The following PPP1R10 variants were observed in gnomAD, a reference collection of about 807,000 sequenced individuals.
The protein encoded by PPP1R10 is serine/threonine-protein phosphatase 1 regulatory subunit 10.
PPP1R10 carries 15 observed loss-of-function variants against 99.0 expected under a neutral mutation model. That is an observed-to-expected ratio of 0.15 (90% CI 0.10 to 0.23). The LOEUF (loss-of-function observed/expected upper bound fraction) is 0.23, where lower values mean the gene tolerates loss of function less well. Ranked by LOEUF, PPP1R10 falls within the 10% of genes least tolerant of loss-of-function variation. The pLI is 1.00. For synonymous variants in PPP1R10, 430 were observed against 449.5 expected, an observed-to-expected ratio of 0.96 and a Z score of 0.55; for missense variants, 947 against 1,259.4, an observed-to-expected ratio of 0.75 and a Z score of 3.75.
intron 6 of PPP1R10, among the ~76,000 whole-genome samples, chr6:30,607,564 T>C (rs9461618): frequency 6.6e-6 from 1 of 152,202 alleles, no homozygotes; most frequent in African/African-American, 2.4e-5. Context: ...CAGCAAATTT[T>C]AAGTGTATGT....
chr6:30,606,965 A>G lies in PPP1R10; in HGVS notation c.383-109T>C. ...ATTGTGAAAATTTATGTAACGGAGA[A>G]AGTAACCCAAAGTTTTAAGAAGAAC... is the stretch of plus-strand genomic sequence containing the variant. On this transcript the variant is annotated intron_variant, in intron 6 of 19. Coordinates refer to ENST00000376511, the MANE Select transcript of PPP1R10 (RefSeq NM_002714.4). This position sits in a 1 kb window ranked among gnomAD's most constrained non-coding sequence, Gnocchi z 6.3. The G allele has an allele frequency of 1.0e-6, 1 of 960,058 alleles. No homozygotes were observed. The highest frequency in any genetic ancestry group is 1.5e-5 in the South Asian group (1 of 66,746). The allele number at this position is 960,058 out of a possible 1,614,324, so 59.5% of individuals were successfully genotyped here. A position where few individuals can be genotyped will look rare whatever the true frequency, so the allele number is the denominator to read the frequency against.
intron 6 of PPP1R10, among the ~76,000 whole-genome samples, chr6:30,607,137 A>G (rs558226981): frequency 1.3e-5 from 2 of 152,320 alleles, no homozygotes; most frequent in East Asian, 1.9e-4. Context: ...TAAAATCTAC[A>G]TTAGTAAAAG....
At position 30,602,486 on chromosome 6, in the gene PPP1R10, TGGA is replaced by T. The variant is rs747432159; in HGVS notation, c.2160_2162del (p.Pro721del). On this transcript the variant is annotated inframe_deletion, in exon 19 of 20. Coordinates refer to ENST00000376511, the MANE Select transcript of PPP1R10 (RefSeq NM_002714.4). The surrounding 1 kb of genome is among the most constrained non-coding windows in gnomAD (Gnocchi z 6.7). ...AGCGACCTCCTCTGGCGCCTCGGAA[TGGA>T]GGAGGAGGAGGAGGAGGTTCGTTTC... 2.4e-4 allele frequency: 381 copies of T among 1,571,590 alleles called. No homozygotes were observed. Among genetic ancestry groups the T allele is most frequent in the Admixed American group, 7.6e-4 (43 of 56,642 alleles).
Position 30,604,345 on chromosome 6 carries a change from C to T in PPP1R10, c.1261+8G>A, listed in dbSNP as rs1803694152. Reference sequence around the variant, plus strand: ...AACACACCTATTACGTAGGAAATGACCTCTTACCTCGTTCAGTTTCATCCA... The same window carrying T: ...AACACACCTATTACGTAGGAAATGATCTCTTACCTCGTTCAGTTTCATCCA... On this transcript the variant is annotated splice_region_variant and intron_variant, in intron 13 of 19. Coordinates refer to ENST00000376511, the MANE Select transcript of PPP1R10 (RefSeq NM_002714.4). The surrounding 1 kb of genome is among the most constrained non-coding windows in gnomAD (Gnocchi z 7.3). 2 of 1,614,046 alleles carry T rather than the reference C, an allele frequency of 1.2e-6. No homozygotes were observed. The highest frequency in any genetic ancestry group is 1.1e-5 in the South Asian group (1 of 91,088).
chr6:30,607,337 ATTTTC>A (rs1804055009), intron 6 of PPP1R10, among the ~76,000 whole-genome samples: 1 of 152,212 alleles, frequency 6.6e-6, no homozygotes, highest in East Asian at 1.9e-4. Context: ...AAGACTTTTT[ATTTTC>A]CTTTATAGAT....
intron 2 of PPP1R10, 60 bp from the exon 3 acceptor site, chr6:30,610,015 G>T: frequency 9.6e-7 from 1 of 1,040,568 alleles, no homozygotes; most frequent in Non-Finnish European, 1.5e-6. Context: ...AGGACTACCC[G>T]AGTAGGCCCT....
At position 30,601,676 on chromosome 6, in the gene PPP1R10, A is replaced by G. The variant is rs1444591486; in HGVS notation, c.2714-18T>C. 1.2e-6 allele frequency: 2 copies of G among 1,608,248 alleles called. No homozygotes were observed. The highest frequency in any genetic ancestry group is 1.3e-5 in the African/African-American group (1 of 74,894). ...TGACATGTCTGTGGGAACGATGGCA[A>G]AACAGTTAGACAGGAAATAGCTGAG... is the stretch of plus-strand genomic sequence containing the variant. On this transcript the variant is annotated intron_variant, in intron 19 of 19. Coordinates refer to ENST00000376511, the MANE Select transcript of PPP1R10 (RefSeq NM_002714.4).
Position 30,608,857 on chromosome 6 carries a change from T to C in PPP1R10, c.252A>G (p.Thr84=). 1.2e-6 allele frequency: 2 copies of C among 1,614,136 alleles called. No individual in the cohort carries two copies. The highest frequency in any genetic ancestry group is 8.5e-7 in the Non-Finnish European group (1 of 1,180,000). ...GCTGGAGGAGGGGAATGTTGTTGGT[T>C]GTCTTTGAATACGTCAGCCAATTGT... is the stretch of plus-strand genomic sequence containing the variant. The part of the protein sequence containing the change: ...LLNNWLTYSK[T]TNNIPLLQQI... The change falls in exon 5 of 20, where the codon ACA becomes ACG. Residue 84 remains threonine (T), a synonymous_variant. Transcript: ENST00000376511.
At chr6:30,605,150 C>A in intron 10 of PPP1R10, 56 bp from the exon 11 acceptor site, 3 of 1,480,132 alleles carry the variant, frequency 2.0e-6, no homozygotes, top group East Asian at 2.3e-5. Context: ...TAATCCTACA[C>A]CTGCAAACAC....
intron 2 of PPP1R10, among the ~76,000 whole-genome samples, chr6:30,613,565 T>A (rs1051464306): frequency 7.2e-6 from 1 of 139,256 alleles, no homozygotes; most frequent in East Asian, 2.0e-4. Context: ...GCAAACCTGA[T>A]ACATGAGCTC....
rs1406575452 is a variant in PPP1R10, at chr6:30,607,908, C to T, written c.331-17G>A. ...TGTGTTGTTCTATGAGAGATGGGAGCAGCAGAAAGGTAAATGCCAGGAGGC... is the reference window on the plus strand; with the variant it reads ...TGTGTTGTTCTATGAGAGATGGGAGTAGCAGAAAGGTAAATGCCAGGAGGC... On this transcript the variant is annotated splice_polypyrimidine_tract_variant and intron_variant, in intron 5 of 19. Coordinates refer to ENST00000376511, the MANE Select transcript of PPP1R10 (RefSeq NM_002714.4). 6.2e-7 allele frequency: 1 copy of T among 1,612,184 alleles called. No individual in the cohort carries two copies. The highest frequency in any genetic ancestry group is 8.5e-7 in the Non-Finnish European group (1 of 1,179,666).
chr6:30,615,732 C>T (rs1373544070), intron 2 of PPP1R10, among the ~76,000 whole-genome samples: 2 of 152,138 alleles, frequency 1.3e-5, no homozygotes, highest in Admixed American at 1.3e-4. Flanking sequence ...GTTAATCACT[C>T]TTTTGCTTTT....
chr6:30,604,959 C>T lies in PPP1R10; in HGVS notation c.954+35G>A, dbSNP rs1272331579. 6.3e-7 allele frequency: 1 copy of T among 1,598,122 alleles called. No homozygotes were observed. The highest frequency in any genetic ancestry group is 8.6e-7 in the Non-Finnish European group (1 of 1,166,538). On this transcript the variant is annotated intron_variant, in intron 11 of 19. Transcript: ENST00000376511. This position sits in a 1 kb window ranked among gnomAD's most constrained non-coding sequence, Gnocchi z 7.3. ...CCTTTCTTCTACTTTACCTTTTATA[C>T]TCTGTCACTGAAACCTACTTCTGGG... is the stretch of plus-strand genomic sequence containing the variant.
Position 30,601,441 on chromosome 6 carries a change from T to A in PPP1R10, c.*108A>T. The A allele has an allele frequency of 1.1e-6, 1 of 937,012 alleles. No individual in the cohort carries two copies. Among genetic ancestry groups the A allele is most frequent in the Non-Finnish European group, 1.6e-6 (1 of 611,222 alleles). The allele number at this position is 937,012 out of a possible 1,614,324, so 58.0% of individuals were successfully genotyped here. On this transcript the variant is annotated 3_prime_UTR_variant, in exon 20 of 20. Coordinates refer to ENST00000376511, the MANE Select transcript of PPP1R10 (RefSeq NM_002714.4). ...AGTGGGAACTGAGGGGGCCGGCTCC[T>A]CATCAGCTGGGGAAAAGGGAAAATG...
intron 6 of PPP1R10, 123 bp downstream of exon 6, chr6:30,607,717 A>G (rs1804095987): frequency 1.8e-6 from 2 of 1,104,286 alleles, no homozygotes; most frequent in Non-Finnish European, 2.7e-6. Flanking sequence ...AAAGAAGGAA[A>G]AAAAGCAAGG....
Position 30,601,668 on chromosome 6 carries a change from C to T in PPP1R10, c.2714-10G>A, listed in dbSNP as rs931105918. ...GGGCGGTTTGACATGTCTGTGGGAA[C>T]GATGGCAAAACAGTTAGACAGGAAA... On this transcript the variant is annotated splice_polypyrimidine_tract_variant and intron_variant, in intron 19 of 19. Coordinates refer to ENST00000376511, the MANE Select transcript of PPP1R10 (RefSeq NM_002714.4). 3.7e-6 allele frequency: 6 copies of T among 1,611,790 alleles called. No homozygotes were observed. Among genetic ancestry groups the T allele is most frequent in the African/African-American group, 2.7e-5 (2 of 74,854 alleles).
At chr6:30,612,449 G>A (rs1223250028) in intron 2 of PPP1R10, among the ~76,000 whole-genome samples, 2 of 152,160 alleles carry the variant, frequency 1.3e-5, no homozygotes, top group African/African-American at 4.8e-5. Flanking sequence ...AGTGCCCTCT[G>A]CTGGAAATGG....
At chr6:30,615,198 G>A (rs1373574133) in intron 2 of PPP1R10, among the ~76,000 whole-genome samples, 1 of 144,600 alleles carries the variant, frequency 6.9e-6, no homozygotes, top group Non-Finnish European at 1.5e-5. Context: ...TCTGCCGGTA[G>A]CTTCAGTTAC....
At chr6:30,615,410 C>T (rs1214716953) in intron 2 of PPP1R10, among the ~76,000 whole-genome samples, 1 of 152,094 alleles carries the variant, frequency 6.6e-6, no homozygotes, top group Non-Finnish European at 1.5e-5. Flanking sequence ...CCACCCCCAT[C>T]CTCCCTATAG....
Sources: allele counts gnomAD v4.1 joint callset (sites outside exome capture counted in the v4.1 genomes callset), GRCh38; gene constraint gnomAD v4.1.1; non-coding constraint Gnocchi (gnomAD v3.1); transcripts MANE v1.5; gene names NCBI Gene and HGNC (gene_info 2026-07-23, HGNC 2026-07-21).